Variants in HP1BP3 observed in about 807,000 individuals in gnomAD.
The protein encoded by HP1BP3 is heterochromatin protein 1 binding protein 3, also known as heterochromatin protein 1-binding protein 3.
HP1BP3 carries 12 observed loss-of-function variants against 62.5 expected under a neutral mutation model. The ratio of observed to expected loss-of-function variants is 0.19; its 90% CI spans 0.12 to 0.31. The LOEUF (loss-of-function observed/expected upper bound fraction) is 0.31, where lower values mean the gene tolerates loss of function less well. Ranked by LOEUF, HP1BP3 falls within the 10% of genes least tolerant of loss-of-function variation. HP1BP3 has a pLI of 1.00. For missense variants in HP1BP3, 502 were observed against 651.8 expected, an observed-to-expected ratio of 0.77 and a Z score of 2.50; for synonymous variants, 260 against 237.8, an observed-to-expected ratio of 1.09 and a Z score of -0.86.
At chr1:20,745,428 G>C (rs550131315) in intron 12 of HP1BP3, 115 bp downstream of exon 12, 3 of 1,273,730 alleles carry the variant, frequency 2.4e-6, no homozygotes, top group East Asian at 2.5e-5. Context: ...TAAAGAACTT[G>C]AGAAGGATCC....
rs2057078521 is a variant in HP1BP3 at position 20,771,900 on chromosome 1, G to C, written c.511-827C>G. On this transcript the variant is annotated intron_variant, in intron 5 of 12. Transcript: ENST00000438032. Reference sequence around the variant, plus strand: ...ATGTAGCACTTATTCATTCTCATTGGATAAGAACTTCGTTGAATGTTTTTA... The same window carrying C: ...ATGTAGCACTTATTCATTCTCATTGCATAAGAACTTCGTTGAATGTTTTTA... Among the ~76,000 whole-genome samples, 3 of 152,106 alleles carry C rather than the reference G, an allele frequency of 2.0e-5. No individual in the cohort carries two copies. In the South Asian group the frequency reaches 6.2e-4, roughly 32 times the overall value.
At chr1:20,772,801 G>A (rs1477322532) in intron 5 of HP1BP3, among the ~76,000 whole-genome samples, 1 of 152,126 alleles carries the variant, frequency 6.6e-6, no homozygotes, top group Non-Finnish European at 1.5e-5. Flanking sequence ...ATACAATAAA[G>A]GCAATGTCAA....
chr1:20,752,849 C>T (rs898707595), intron 9 of HP1BP3, among the ~76,000 whole-genome samples: 3 of 152,164 alleles, frequency 2.0e-5, no homozygotes, highest in Admixed American at 1.3e-4. Context: ...CCACATAATC[C>T]GTATCTGCTA....
rs200570598 is a variant in HP1BP3, at chr1:20,750,552, TA to T, written c.982-671del. Among the ~76,000 whole-genome samples the T allele has an allele frequency of 1.1e-3, 152 of 144,378 alleles. 2 individuals are homozygous for T. In the East Asian group the frequency reaches 0.013, roughly 12 times the overall value. The allele number at this position is 144,378 out of a possible 152,430, so 94.7% of individuals were successfully genotyped here. A position where few individuals can be genotyped will look rare whatever the true frequency, so the allele number is the denominator to read the frequency against. Reference sequence around the variant, plus strand: ...AAAAAATAAATAAATAAAATAAATTTAAAAAAAAAAAGATTATTTTATTTGA... The same window carrying T: ...AAAAAATAAATAAATAAAATAAATTTAAAAAAAAAAGATTATTTTATTTGA... On this transcript the variant is annotated intron_variant, in intron 9 of 12. Transcript: ENST00000438032.
At chr1:20,748,264 TA>T (rs1455407715) in intron 10 of HP1BP3, among the ~76,000 whole-genome samples, 2 of 152,238 alleles carry the variant, frequency 1.3e-5, no homozygotes, top group African/African-American at 4.8e-5. Context: ...TGAACAGAAC[TA>T]ATTATTCATA....
chr1:20,770,849 C>A, intron 6 of HP1BP3, 81 bp downstream of exon 6: 1 of 1,089,790 alleles, frequency 9.2e-7, no homozygotes, highest in Non-Finnish European at 1.3e-6. Context: ...AAAAAAGGCA[C>A]AAAAAGCCTA....
In HP1BP3 at chr1:20,744,958, T is replaced by C; in HGVS notation, c.1501A>G (p.Lys501Glu). 1 of 1,614,112 alleles carries C rather than the reference T, an allele frequency of 6.2e-7. No homozygotes were observed. The highest frequency in any genetic ancestry group is 8.5e-7 in the Non-Finnish European group (1 of 1,180,030). ...GTCTTCTTGGCAGGCGTTTTGGCCT[T>C]AGGAGGTGCTTTCTTAGGCAAGGGC... ...ARPLPKKAPP[K>E]AKTPAKKTRP... The change falls in exon 13 of 13, where the codon AAG (lysine) becomes GAG (glutamate). Residue 501 changes from lysine (K) to glutamate (E), a missense_variant. Physicochemically the swap from Lys to Glu is moderately conservative, Grantham distance 56 (BLOSUM62 1). Transcript: ENST00000438032.
intron 9 of HP1BP3, among the ~76,000 whole-genome samples, chr1:20,755,016 A>T (rs2056013986): frequency 6.6e-6 from 1 of 152,240 alleles, no homozygotes; most frequent in African/African-American, 2.4e-5. Flanking sequence ...GTCACAGAAT[A>T]GGAGAAAAAA....
At chr1:20,772,723 GTCTGT>G (rs1333906505) in intron 5 of HP1BP3, among the ~76,000 whole-genome samples, 77 of 152,100 alleles carry the variant, frequency 5.1e-4, no homozygotes, top group Admixed American at 2.0e-4. Context: ...TGAAAGATGG[GTCTGT>G]TCTAACTCCT....
rs1171405196 is a variant in HP1BP3, at chr1:20,742,382, G to A, written c.*2415C>T. On this transcript the variant is annotated 3_prime_UTR_variant, in exon 13 of 13. Coordinates refer to ENST00000438032, the MANE Select transcript of HP1BP3 (RefSeq NM_001372052.1). ...TTTTTTCTAGTCCAAGGACTTATCTGAATATTGAACATTTATTGAACATGA... is the reference window on the plus strand; with the variant it reads ...TTTTTTCTAGTCCAAGGACTTATCTAAATATTGAACATTTATTGAACATGA... Among the ~76,000 whole-genome samples the A allele has an allele frequency of 6.6e-6, 1 of 152,096 alleles. No individual in the cohort carries two copies. Among genetic ancestry groups the A allele is most frequent in the Non-Finnish European group, 1.5e-5 (1 of 67,996 alleles).
intron 2 of HP1BP3, 148 bp from the exon 3 acceptor site, chr1:20,780,059 T>G: frequency 1.6e-6 from 1 of 615,916 alleles, no homozygotes; most frequent in Non-Finnish European, 2.8e-6. Context: ...AAGTTTTTTT[T>G]GAAGTGAAAT....
chr1:20,787,019 G>T (rs1180896388), intron 1 of HP1BP3, among the ~76,000 whole-genome samples, 176 bp downstream of exon 1: 2 of 152,026 alleles, frequency 1.3e-5, no homozygotes, highest in Non-Finnish European at 2.9e-5. Flanking sequence ...GGAAGGGAGC[G>T]GGGCGGAGCG....
intron 4 of HP1BP3, chr1:20,775,837 T>C (rs1482854092): frequency 1.1e-6 from 1 of 911,966 alleles, no homozygotes; most frequent in South Asian, 2.0e-5. Context: ...CTGTACCACG[T>C]AGGTTTGTGT....
At chr1:20,763,066 T>C (rs190291072) in intron 8 of HP1BP3, among the ~76,000 whole-genome samples, 8 of 152,140 alleles carry the variant, frequency 5.3e-5, no homozygotes, top group Admixed American at 4.6e-4. Flanking sequence ...GAGTGTGAGA[T>C]CTGGTTAAGA....
Position 20,776,668 on chromosome 1 carries a change from T to C in HP1BP3, c.279A>G (p.Ala93=), listed in dbSNP as rs142599747. The C allele has an allele frequency of 9.9e-6, 16 of 1,613,936 alleles. No homozygotes were observed. In the African/African-American group the frequency reaches 2.1e-4, roughly 22 times the overall value. ...TCTCAGGTTCCCCCTTTGGCTGCTC[T>C]GCCTCACTCGAAGTAGCAGGTGGAG... ...NETPPATSSE[A]EQPKGEPENE... Residue 93 remains alanine (A), a synonymous_variant, in exon 4 of 13, where the codon GCA becomes GCG. Transcript: ENST00000438032.
At chr1:20,775,846 G>C in intron 4 of HP1BP3, 3 of 1,069,424 alleles carry the variant, frequency 2.8e-6, no homozygotes, top group Non-Finnish European at 3.9e-6. Flanking sequence ...GTAGGTTTGT[G>C]TAAGTACACT....
intron 5 of HP1BP3, among the ~76,000 whole-genome samples, chr1:20,771,857 A>G (rs2057076104): frequency 6.6e-6 from 1 of 152,212 alleles, no homozygotes; most frequent in Non-Finnish European, 1.5e-5. Flanking sequence ...TTGTACTGCC[A>G]CAGTGTCTAT....
At chr1:20,779,711 G>GA (rs200327876) in intron 3 of HP1BP3, 101 bp downstream of exon 3, 70,625 of 487,188 alleles carry the variant, frequency 0.14, 453 homozygotes, top group Middle Eastern at 0.17. Flanking sequence ...ACTTAGCCAT[G>GA]AAAAAAAAAA....
At chr1:20,753,030 C>T (rs1343718987) in intron 9 of HP1BP3, among the ~76,000 whole-genome samples, 5 of 152,104 alleles carry the variant, frequency 3.3e-5, no homozygotes, top group South Asian at 2.1e-4. Flanking sequence ...CAACCTCTGC[C>T]TCCTGGGTTC....
Sources: allele counts gnomAD v4.1 joint callset (sites outside exome capture counted in the v4.1 genomes callset), GRCh38; gene constraint gnomAD v4.1.1; transcripts MANE v1.5; gene names NCBI Gene and HGNC (gene_info 2026-07-23, HGNC 2026-07-21).